The following LPIN1 variants were observed in gnomAD, a reference collection of about 807,000 sequenced individuals.
The protein encoded by LPIN1 is phosphatidate phosphatase LPIN1.
A neutral mutation model predicts 107.5 loss-of-function variants in LPIN1; 71 were observed. The ratio of observed to expected loss-of-function variants is 0.66; its 90% CI spans 0.55 to 0.80. The LOEUF is 0.80. LPIN1 is among the 30% of genes least tolerant of loss of function. The pLI is 0.00. For missense variants in LPIN1, 1,043 were observed against 1,160.6 expected (o/e 0.90, Z 1.47); for synonymous variants, 445 against 452.6 (o/e 0.98, Z 0.21).
chr2:11,770,621 G>A (rs561921040), intron 3 of LPIN1, among the ~76,000 whole-genome samples: 84 of 152,288 alleles, frequency 5.5e-4, no homozygotes, highest in South Asian at 1.0e-3. Context: ...AGCAGCACAC[G>A]TTTATTTATC....
intron 17 of LPIN1, among the ~76,000 whole-genome samples, chr2:11,808,300 C>A (rs1183799164): frequency 6.6e-6 from 1 of 152,202 alleles, no homozygotes; most frequent in African/African-American, 2.4e-5. Context: ...TCCTAGCAGG[C>A]TCTCTCAAGC....
chr2:11,731,582 A>G (rs1260599708), intron 1 of LPIN1, among the ~76,000 whole-genome samples: 3 of 152,228 alleles, frequency 2.0e-5, no homozygotes, highest in Non-Finnish European at 4.4e-5. Context: ...TCCTTTGGGT[A>G]TATACCCAGG....
intron 11 of LPIN1, among the ~76,000 whole-genome samples, chr2:11,788,092 A>C (rs1674977470): frequency 6.6e-6 from 1 of 152,158 alleles, no homozygotes; most frequent in Non-Finnish European, 1.5e-5. Context: ...GAAATACCCC[A>C]AGCACGTCGT....
In LPIN1 at chr2:11,785,082, G is replaced by A. The variant is rs1482993075; in HGVS notation, c.1549+6G>A. The A allele has an allele frequency of 5.8e-6, 9 of 1,547,558 alleles. No individual in the cohort carries two copies. The Admixed American group carries it at 7.6e-5, about 13-fold the overall frequency. On this transcript the variant is annotated splice_donor_region_variant and intron_variant, in intron 10 of 20. Transcript: ENST00000674199. ...CCACCGGGAGATCACGAAAGGTACC[G>A]CGGGCCTCGCGCGGGCGCCCTCTGG... is the stretch of plus-strand genomic sequence containing the variant.
chr2:11,801,763 T>C (rs1677782616), intron 14 of LPIN1, among the ~76,000 whole-genome samples: 3 of 152,204 alleles, frequency 2.0e-5, no homozygotes, highest in Admixed American at 2.0e-4. Flanking sequence ...ATTTGAAATG[T>C]TCCCAACACA....
chr2:11,734,127 C>G (rs1665547461), intron 1 of LPIN1, among the ~76,000 whole-genome samples: 1 of 152,186 alleles, frequency 6.6e-6, no homozygotes. Flanking sequence ...AATTAGAGAC[C>G]TTCATTCACA....
In LPIN1 at chr2:11,707,342, G is replaced by A. The variant is rs1452258984; in HGVS notation, c.82-6414G>A. Among the ~76,000 whole-genome samples, 1 of 152,192 alleles carries A rather than the reference G, an allele frequency of 6.6e-6. No individual in the cohort carries two copies. The highest frequency in any genetic ancestry group is 1.5e-5 in the Non-Finnish European group (1 of 68,036). ...GCTTAGGGAGAATCTGCCAGGCAGA[G>A]GAACAGCTCATGCACAGTCTCTGAG... On this transcript the variant is annotated intron_variant, in intron 1 of 21. Coordinates refer to the LPIN1 transcript ENST00000449576. This position sits in a 1 kb window ranked among gnomAD's most constrained non-coding sequence, Gnocchi z 4.2.
At chr2:11,731,208 C>CTAA (rs1328998994) in intron 1 of LPIN1, among the ~76,000 whole-genome samples, 2 of 152,140 alleles carry the variant, frequency 1.3e-5, no homozygotes, top group African/African-American at 4.8e-5. Context: ...AGTATTTGTC[C>CTAA]TAATGCTCTC....
Position 11,774,965 on chromosome 2 carries a change from TA to T in LPIN1, c.723-1105del, listed in dbSNP as rs1171247173. On this transcript the variant is annotated intron_variant, in intron 5 of 20. Coordinates refer to ENST00000674199, the MANE Select transcript of LPIN1 (RefSeq NM_001349206.2). This position sits in a 1 kb window ranked among gnomAD's most constrained non-coding sequence, Gnocchi z 4.4. ...TTCCAGTAGCCCTATTTTTAAAAAG[TA>T]AAAAAAAAAAAAAAAGATGAAATTA... is the stretch of plus-strand genomic sequence containing the variant. Among the ~76,000 whole-genome samples the T allele has an allele frequency of 0.012, 1,382 of 119,550 alleles. 3 individuals carry two copies. Among genetic ancestry groups the T allele is most frequent in the Middle Eastern group, 0.021 (5 of 236 alleles). The allele number at this position is 119,550 out of a possible 152,430, so 78.4% of individuals were successfully genotyped here. A position where few individuals can be genotyped will look rare whatever the true frequency, so the allele number is the denominator to read the frequency against.
intron 1 of LPIN1, among the ~76,000 whole-genome samples, chr2:11,679,970 G>A (rs571548129): frequency 5.1e-4 from 77 of 152,238 alleles, no homozygotes; most frequent in Admixed American, 1.2e-3. Flanking sequence ...AACTGGGAGC[G>A]TCACTGGGAG....
chr2:11,696,470 C>T (rs1385947869), intron 1 of LPIN1, among the ~76,000 whole-genome samples: 2 of 152,000 alleles, frequency 1.3e-5, no homozygotes, highest in African/African-American at 4.8e-5. Context: ...TACATATAGT[C>T]TATATATTAA....
At chr2:11,718,290 C>T (rs377137387) in intron 2 of LPIN1, among the ~76,000 whole-genome samples, 2 of 152,086 alleles carry the variant, frequency 1.3e-5, no homozygotes, top group African/African-American at 2.4e-5. Flanking sequence ...TGCAGTGGAG[C>T]GATCTCAGCT....
intron 17 of LPIN1, 136 bp downstream of exon 17, chr2:11,805,292 G>A: frequency 1.4e-6 from 1 of 737,742 alleles, no homozygotes; most frequent in South Asian, 1.5e-5. Context: ...GGGGCAGTGG[G>A]GGTCAGGGGT....
At chr2:11,710,452 A>C (rs1663350255) in intron 1 of LPIN1, among the ~76,000 whole-genome samples, 1 of 151,712 alleles carries the variant, frequency 6.6e-6, no homozygotes, top group African/African-American at 2.4e-5. Context: ...CAGCCAATGC[A>C]CTGAACAAGG....
chr2:11,823,561 C>G (rs1228622325), intron 20 of LPIN1, among the ~76,000 whole-genome samples: 1 of 152,104 alleles, frequency 6.6e-6, no homozygotes, highest in East Asian at 1.9e-4. Context: ...TACCTCAGAA[C>G]ATGCACACTT....
chr2:11,773,437 T>C (rs577024957), intron 4 of LPIN1, among the ~76,000 whole-genome samples, 183 bp from the exon 5 acceptor site: 3 of 152,332 alleles, frequency 2.0e-5, no homozygotes, highest in East Asian at 1.9e-4. Flanking sequence ...CATTAGCACA[T>C]AGACACGTTT....
intron 1 of LPIN1, among the ~76,000 whole-genome samples, chr2:11,757,289 C>A (rs1286139433): frequency 6.6e-5 from 10 of 152,176 alleles, no homozygotes; most frequent in Non-Finnish European, 1.5e-4. Flanking sequence ...ATACTTTCTT[C>A]TTTAAAGCAG....
At chr2:11,705,982 G>A (rs938758202) in intron 1 of LPIN1, among the ~76,000 whole-genome samples, 7 of 152,204 alleles carry the variant, frequency 4.6e-5, no homozygotes, top group African/African-American at 1.7e-4. Context: ...TTGTGATAGC[G>A]AATGAATCTC....
intron 1 of LPIN1, among the ~76,000 whole-genome samples, chr2:11,680,061 G>C (rs1253884289): frequency 1.3e-5 from 2 of 152,194 alleles, no homozygotes; most frequent in African/African-American, 4.8e-5. Context: ...CAGCAAAGAA[G>C]AGAAACTGGG....
Sources: gnomAD v4.1 joint callset for allele counts (sites outside exome capture counted in the v4.1 genomes callset) on GRCh38, gnomAD v4.1.1 for gene constraint, Gnocchi (gnomAD v3.1) non-coding constraint, MANE v1.5 for transcripts, NCBI Gene and HGNC (gene_info 2026-07-23, HGNC 2026-07-21) for gene names.